The following DPF3 variants were observed in gnomAD, a reference collection of about 807,000 sequenced individuals.
DPF3 encodes double PHD fingers 3, also known as zinc finger protein DPF3.
In DPF3, 18 loss-of-function variants were observed where a neutral mutation model predicts 56.8. The ratio of observed to expected loss-of-function variants is 0.32; its 90% CI spans 0.22 to 0.47. The LOEUF (loss-of-function observed/expected upper bound fraction) is 0.47. Ranked by LOEUF, DPF3 falls within the 20% of genes least tolerant of loss-of-function variation. The pLI is 1.00. For synonymous variants in DPF3, 188 were observed against 180.2 expected (o/e 1.04, Z -0.35); for missense variants, 403 against 488.8 (o/e 0.82, Z 1.65).
chr14:72,756,901 A>G (rs1890842366), intron 2 of DPF3, among the ~76,000 whole-genome samples: 1 of 125,504 alleles, frequency 8.0e-6, no homozygotes, highest in African/African-American at 3.6e-5. Flanking sequence ...AAGAAAGAAA[A>G]GAAAAAAAGA....
chr14:72,762,022 T>C (rs1056945984), intron 2 of DPF3, among the ~76,000 whole-genome samples: 1 of 151,848 alleles, frequency 6.6e-6, no homozygotes, highest in Non-Finnish European at 1.5e-5. Flanking sequence ...TAAATAGCCC[T>C]ATATCTATAA....
intron 8 of DPF3, among the ~76,000 whole-genome samples, chr14:72,657,373 A>C (rs1886087935): frequency 6.6e-6 from 1 of 152,190 alleles, no homozygotes; most frequent in East Asian, 1.9e-4. Context: ...AGTCGCTGTT[A>C]TGCATTGCTG....
chr14:72,630,641 G>A (rs994999215), intron 8 of DPF3, among the ~76,000 whole-genome samples: 4 of 152,186 alleles, frequency 2.6e-5, no homozygotes, highest in African/African-American at 9.6e-5. Flanking sequence ...GGCCTTCTAT[G>A]TGGCATGGAA....
chr14:72,679,697 C>G (rs1355647897), intron 7 of DPF3, among the ~76,000 whole-genome samples: 1 of 152,260 alleles, frequency 6.6e-6, no homozygotes, highest in Non-Finnish European at 1.5e-5. Flanking sequence ...GCAGCCTCCG[C>G]TCTTGCCACC....
intron 1 of DPF3, among the ~76,000 whole-genome samples, chr14:72,811,733 A>C (rs1198414756): frequency 2.6e-5 from 4 of 152,240 alleles, no homozygotes; most frequent in African/African-American, 9.6e-5. Flanking sequence ...GCTCCTAGGC[A>C]CACAAATGTT....
chr14:72,645,232 G>A (rs1230790135), intron 8 of DPF3, among the ~76,000 whole-genome samples: 2 of 152,072 alleles, frequency 1.3e-5, no homozygotes, highest in African/African-American at 4.8e-5. Context: ...TTTGTGGTTG[G>A]ACTCAAGTAT....
chr14:72,864,304 G>A (rs544769067), intron 1 of DPF3, among the ~76,000 whole-genome samples: 112 of 152,050 alleles, frequency 7.4e-4, no homozygotes, highest in African/African-American at 2.5e-3. Flanking sequence ...GCCACCTCTC[G>A]CACCCCCTAC....
At chr14:72,813,501 T>A (rs1883152106) in intron 1 of DPF3, among the ~76,000 whole-genome samples, 1 of 150,772 alleles carries the variant, frequency 6.6e-6, no homozygotes. Context: ...AACGAGAGAG[T>A]TTTTGCTACA....
intron 1 of DPF3, among the ~76,000 whole-genome samples, chr14:72,773,457 T>C (rs1013813100): frequency 1.3e-5 from 2 of 152,130 alleles, no homozygotes; most frequent in African/African-American, 4.8e-5. Flanking sequence ...TGTGGTAAAA[T>C]ACACATAACA....
chr14:72,889,005 C>T (rs1886651787), intron 1 of DPF3, among the ~76,000 whole-genome samples: 1 of 152,192 alleles, frequency 6.6e-6, no homozygotes, highest in Non-Finnish European at 1.5e-5. Context: ...CTGACCATGA[C>T]ATTTTATTTT....
chr14:72,832,853 A>AT (rs1884116597), intron 1 of DPF3, among the ~76,000 whole-genome samples: 1 of 152,208 alleles, frequency 6.6e-6, no homozygotes, highest in Non-Finnish European at 1.5e-5. Context: ...ACTCATACCA[A>AT]TAGCAGGGCA....
intron 8 of DPF3, among the ~76,000 whole-genome samples, chr14:72,653,961 G>A (rs1158776874): frequency 6.6e-6 from 1 of 152,148 alleles, no homozygotes; most frequent in Non-Finnish European, 1.5e-5. Context: ...TTCCCCATAA[G>A]GTCTAGGATC....
intron 5 of DPF3, among the ~76,000 whole-genome samples, chr14:72,716,554 G>A (rs368645885): frequency 1.1e-4 from 16 of 152,002 alleles, no homozygotes; most frequent in South Asian, 2.1e-4. Context: ...GGCACTGAGC[G>A]CTGTCTGGCA....
chr14:72,726,456 C>A (rs1889410395), intron 4 of DPF3, among the ~76,000 whole-genome samples: 1 of 152,222 alleles, frequency 6.6e-6, no homozygotes, highest in South Asian at 2.1e-4. Flanking sequence ...CCCTGAGGCT[C>A]CATCCTCCCT....
intron 7 of DPF3, among the ~76,000 whole-genome samples, chr14:72,692,782 G>T (rs1276969869): frequency 6.6e-6 from 1 of 152,212 alleles, no homozygotes; most frequent in Non-Finnish European, 1.5e-5. Context: ...TTGTAGGTCT[G>T]GCATCTGACA....
At chr14:72,640,388 G>C (rs1391647509) in intron 8 of DPF3, among the ~76,000 whole-genome samples, 1 of 152,166 alleles carries the variant, frequency 6.6e-6, no homozygotes, top group Non-Finnish European at 1.5e-5. Flanking sequence ...GGGGAAGGGG[G>C]ACCAGTCACT....
At chr14:72,640,820 G>T (rs781494291) in intron 8 of DPF3, among the ~76,000 whole-genome samples, 13 of 152,208 alleles carry the variant, frequency 8.5e-5, no homozygotes, top group Non-Finnish European at 8.8e-5. Context: ...ACAAGACCAG[G>T]CTAGAGATAT....
At chr14:72,723,019 A>G (rs1010095490) in intron 5 of DPF3, among the ~76,000 whole-genome samples, 5 of 150,592 alleles carry the variant, frequency 3.3e-5, no homozygotes, top group African/African-American at 7.4e-5. Flanking sequence ...TTTTTTTTAT[A>G]GTCATGATTA....
intron 2 of DPF3, among the ~76,000 whole-genome samples, chr14:72,768,996 C>T (rs1451831425): frequency 6.8e-6 from 1 of 148,008 alleles, no homozygotes; most frequent in African/African-American, 2.5e-5. Flanking sequence ...TAAGTAATTA[C>T]ATCAATATCA....
Sources: allele counts gnomAD v4.1 joint callset (sites outside exome capture counted in the v4.1 genomes callset), GRCh38; gene constraint gnomAD v4.1.1; transcripts MANE v1.5; gene names NCBI Gene and HGNC (gene_info 2026-07-23, HGNC 2026-07-21).